Variants in TRAK2 observed in about 807,000 individuals in gnomAD.
The protein encoded by TRAK2 is trafficking kinesin protein 2.
A neutral mutation model predicts 104.6 loss-of-function variants in TRAK2; 81 were observed. The ratio of observed to expected loss-of-function variants is 0.77; its 90% CI spans 0.65 to 0.93. TRAK2 has a LOEUF of 0.93. Among genes scored for constraint, TRAK2 ranks in the 40% least tolerant of loss-of-function variants. The pLI is 0.00. For synonymous variants in TRAK2, 406 were observed against 394.4 expected (o/e 1.03, Z -0.35); for missense variants, 1,002 against 1,089.0 (o/e 0.92, Z 1.12).
At position 201,387,804 on chromosome 2, in the gene TRAK2, G is replaced by A. The variant is rs981819093; in HGVS notation, c.1595C>T (p.Ala532Val). The change falls in exon 13 of 16, where the codon GCC becomes GTC. Residue 532 changes from alanine to valine, a missense_variant. By Grantham distance (64) the Ala-to-Val change is moderately conservative (BLOSUM62 0). Coordinates refer to ENST00000332624, the MANE Select transcript of TRAK2 (RefSeq NM_015049.3). ...CTCTGACTGGGTGGTGCAGAGAGAG[G>A]CAAGGCTCTCTGTCGGGGTGACACA... Reference protein sequence around the residue: ...SGCVTPTESLASLCTTQSEIT... With the variant: ...SGCVTPTESLVSLCTTQSEIT... The A allele has an allele frequency of 6.2e-7, 1 of 1,614,074 alleles. No homozygotes were observed. Among genetic ancestry groups the A allele is most frequent in the Non-Finnish European group, 8.5e-7 (1 of 1,179,950 alleles).
chr2:201,393,099 G>C (rs1951463006), intron 9 of TRAK2, 53 bp from the exon 10 acceptor site: 1 of 1,526,364 alleles, frequency 6.6e-7, no homozygotes, highest in Non-Finnish European at 8.8e-7. Flanking sequence ...CAACATTAGG[G>C]AAAAAAAACC....
At chr2:201,442,339 C>G (rs998753520) in intron 1 of TRAK2, among the ~76,000 whole-genome samples, 23 of 150,764 alleles carry the variant, frequency 1.5e-4, no homozygotes, top group African/African-American at 4.9e-4. Flanking sequence ...TGCAGTGAGC[C>G]GAGTTCGCAC....
Position 201,392,908 on chromosome 2 carries a change from C to A in TRAK2, c.1113+1G>T. The A allele has an allele frequency of 6.2e-7, 1 of 1,608,154 alleles. No homozygotes were observed. Among genetic ancestry groups the A allele is most frequent in the Admixed American group, 1.7e-5 (1 of 58,300 alleles). ...ACATAGCATCTTTCTTAGTTGCTTA[C>A]CCCAGTAAAAGCTCCATATGATTGG... On this transcript the variant is annotated splice_donor_variant, in intron 10 of 15. Transcript: ENST00000332624. LOFTEE classifies it high-confidence loss of function.
At chr2:201,422,677 G>T (rs997533613) in intron 1 of TRAK2, among the ~76,000 whole-genome samples, 8 of 152,034 alleles carry the variant, frequency 5.3e-5, no homozygotes, top group Non-Finnish European at 7.4e-5. Context: ...GGGAAAATTC[G>T]GTTTATTTAA....
At chr2:201,388,928 C>T (rs1473203082) in intron 12 of TRAK2, among the ~76,000 whole-genome samples, 1 of 151,960 alleles carries the variant, frequency 6.6e-6, no homozygotes, top group African/African-American at 2.4e-5. Context: ...ATTCAATGTA[C>T]TGAATTAATA....
intron 2 of TRAK2, 100 bp from the exon 3 acceptor site, chr2:201,407,697 C>A (rs1951607792): frequency 2.1e-6 from 2 of 943,640 alleles, no homozygotes; most frequent in Non-Finnish European, 3.1e-6. Context: ...GTAGGATAAC[C>A]AAAGAAATAC....
chr2:201,440,289 T>C (rs1286490105), intron 1 of TRAK2, among the ~76,000 whole-genome samples: 1 of 152,114 alleles, frequency 6.6e-6, no homozygotes, highest in African/African-American at 2.4e-5. Context: ...ACTACTACAC[T>C]TTACTGTTGC....
chr2:201,432,192 AGTGACGTTAGCTTAGT>A (rs1951847698), intron 1 of TRAK2, among the ~76,000 whole-genome samples: 1 of 152,192 alleles, frequency 6.6e-6, no homozygotes, highest in Non-Finnish European at 1.5e-5. Context: ...CCTTCTGATG[AGTGACGTTAGCTTAGT>A]GTGATTAATC....
chr2:201,406,979 T>C (rs10202669), intron 3 of TRAK2, among the ~76,000 whole-genome samples: 1,763 of 152,336 alleles, frequency 0.012, 53 homozygotes, highest in African/African-American at 0.04. Flanking sequence ...CTATGCTTCG[T>C]TATGCTGACA....
chr2:201,396,526 TGTGTTTTCCTACA>T (rs1274353565), intron 7 of TRAK2, among the ~76,000 whole-genome samples: 1 of 152,202 alleles, frequency 6.6e-6, no homozygotes, highest in African/African-American at 2.4e-5. Flanking sequence ...GTATATATTA[TGTGTTTTCCTACA>T]AATAAATACC....
At chr2:201,414,816 A>G (rs1951677925) in intron 2 of TRAK2, among the ~76,000 whole-genome samples, 1 of 152,008 alleles carries the variant, frequency 6.6e-6, no homozygotes, top group Admixed American at 6.5e-5. Flanking sequence ...AGAGCTAAAA[A>G]CAGACTATTA....
chr2:201,450,552 A>T (rs1316591139), intron 1 of TRAK2, among the ~76,000 whole-genome samples: 1 of 152,154 alleles, frequency 6.6e-6, no homozygotes, highest in Non-Finnish European at 1.5e-5. Flanking sequence ...CTATTTGGAG[A>T]CTACTGTACC....
chr2:201,435,178 T>C (rs1467659699), intron 1 of TRAK2, among the ~76,000 whole-genome samples: 1 of 152,148 alleles, frequency 6.6e-6, no homozygotes, highest in Non-Finnish European at 1.5e-5. Flanking sequence ...CACCTCAGCC[T>C]CCCAAGTAGC....
In TRAK2 at chr2:201,392,947, G is replaced by A. The variant is rs761279711; in HGVS notation, c.1075C>T (p.His359Tyr). ...CCATATGATTGGGAGAAGTAGAGAT[G>A]AGCAGTAGGGCCAGATCTACTACGA... ...ELRSRSGPTA[H>Y]LYFSQSYGAF... The change falls in exon 10 of 16, where the codon CAT becomes TAT. Residue 359 changes from histidine to tyrosine, a missense_variant. By Grantham distance (83) the His-to-Tyr change is moderately conservative. Coordinates refer to ENST00000332624, the MANE Select transcript of TRAK2 (RefSeq NM_015049.3). 6 of 1,613,668 alleles carry A rather than the reference G, an allele frequency of 3.7e-6. No homozygotes were observed. In the Admixed American group the frequency reaches 5.0e-5, roughly 13 times the overall value.
intron 1 of TRAK2, among the ~76,000 whole-genome samples, chr2:201,429,475 T>A (rs759182080): frequency 1.3e-5 from 2 of 152,202 alleles, no homozygotes; most frequent in African/African-American, 2.4e-5. Flanking sequence ...TTGGTTCCAT[T>A]CTCCCCGTCA....
chr2:201,401,786 T>G (rs1459107123), intron 3 of TRAK2, among the ~76,000 whole-genome samples: 7 of 152,080 alleles, frequency 4.6e-5, no homozygotes, highest in Non-Finnish European at 1.0e-4. Flanking sequence ...CCTGGATAAT[T>G]TAGTTCAAAA....
chr2:201,410,812 T>C, intron 2 of TRAK2: 9 of 1,606,730 alleles, frequency 5.6e-6, no homozygotes, highest in Non-Finnish European at 7.7e-6. Context: ...AAAGAGATTA[T>C]TAAGGGCAGA....
intron 1 of TRAK2, among the ~76,000 whole-genome samples, chr2:201,426,760 T>G (rs1013074353): frequency 3.3e-5 from 5 of 152,220 alleles, no homozygotes; most frequent in African/African-American, 1.2e-4. Context: ...GCCTGCAGAC[T>G]GTGCACCAAG....
Position 201,397,559 on chromosome 2 carries a change from T to C in TRAK2, c.712A>G (p.Thr238Ala), listed in dbSNP as rs548153229. ...TGTTCCTTTTCTTCATAGGTAACAG[T>C]TTCTGTCTTTATGTGACAAGCCTTC... ...RSKACHIKTE[T>A]VTYEEKEQQL... The change falls in exon 7 of 16, where the codon ACT becomes GCT. Residue 238 changes from threonine (T) to alanine (A), a missense_variant. Coordinates refer to ENST00000332624, the MANE Select transcript of TRAK2 (RefSeq NM_015049.3). 6.2e-7 allele frequency: 1 copy of C among 1,612,692 alleles called. No individual in the cohort carries two copies. The highest frequency in any genetic ancestry group is 1.3e-5 in the African/African-American group (1 of 74,980).
Sources: allele counts gnomAD v4.1 joint callset (sites outside exome capture counted in the v4.1 genomes callset), GRCh38; gene constraint gnomAD v4.1.1; transcripts MANE v1.5; gene names NCBI Gene and HGNC (gene_info 2026-07-23, HGNC 2026-07-21).